Variants in EPB41L4B observed in about 807,000 individuals in gnomAD.
EPB41L4B encodes band 4.1-like protein 4B.
EPB41L4B carries 30 observed loss-of-function variants against 112.5 expected under a neutral mutation model. The ratio of observed to expected loss-of-function variants is 0.27; its 90% CI spans 0.20 to 0.36. The LOEUF (loss-of-function observed/expected upper bound fraction) is 0.36. Ranked by LOEUF, EPB41L4B falls within the 10% of genes least tolerant of loss-of-function variation. The pLI is 1.00. For missense variants in EPB41L4B, 1,024 were observed against 1,133.3 expected (o/e 0.90, Z 1.38); for synonymous variants, 408 against 439.7 (o/e 0.93, Z 0.90).
intron 15 of EPB41L4B, among the ~76,000 whole-genome samples, chr9:109,218,137 T>TC (rs1347854024): frequency 6.8e-6 from 1 of 146,228 alleles, no homozygotes; most frequent in African/African-American, 2.5e-5. Flanking sequence ...TTTTTTTTTT[T>TC]TTTTTTTTGG....
intron 1 of EPB41L4B, among the ~76,000 whole-genome samples, chr9:109,318,362 T>A (rs1008436218): frequency 6.6e-6 from 1 of 152,154 alleles, no homozygotes; most frequent in Non-Finnish European, 1.5e-5. Flanking sequence ...AGGGCTACAC[T>A]GGCTGGAATC....
intron 1 of EPB41L4B, among the ~76,000 whole-genome samples, chr9:109,319,070 C>A (rs1422478181): frequency 6.6e-6 from 1 of 152,242 alleles, no homozygotes; most frequent in African/African-American, 2.4e-5. Flanking sequence ...TGATCTGTAA[C>A]ATTCATCTAA....
chr9:109,265,904 G>A (rs1212848598), intron 4 of EPB41L4B, among the ~76,000 whole-genome samples: 1 of 152,174 alleles, frequency 6.6e-6, no homozygotes, highest in African/African-American at 2.4e-5. Flanking sequence ...AAAACCAATC[G>A]CTTTGATGAC....
chr9:109,294,543 G>C lies in EPB41L4B; in HGVS notation c.307-14622C>G, dbSNP rs190163385. Among the ~76,000 whole-genome samples the C allele has an allele frequency of 7.2e-3, 1,103 of 152,140 alleles. 3 individuals carry two copies. Among genetic ancestry groups the C allele is most frequent in the Non-Finnish European group, 0.012 (799 of 67,996 alleles). On this transcript the variant is annotated intron_variant, in intron 1 of 25. Transcript: ENST00000374566. ...GTAGGAGGAAGATTGAGGATTGCTT[G>C]AGACCAGGAGGTTGAAGTTGCAGTG...
chr9:109,293,429 C>CTGGA (rs2119188454), intron 1 of EPB41L4B, among the ~76,000 whole-genome samples: 1 of 149,656 alleles, frequency 6.7e-6, no homozygotes, highest in Admixed American at 6.7e-5. Context: ...GTTGCCAGGG[C>CTGGA]TGGAGTGCAA....
rs115759810 is a variant in EPB41L4B, at chr9:109,291,087, T to A, written c.307-11166A>T. ...GAAGGGTGCCTCAATGTCACAAAGG[T>A]TCTATGACCCCATTTCGCAGATGAG... On this transcript the variant is annotated intron_variant, in intron 1 of 25. Coordinates refer to ENST00000374566, the MANE Select transcript of EPB41L4B (RefSeq NM_019114.5). Among the ~76,000 whole-genome samples, 1,005 of 152,170 alleles carry A rather than the reference T, an allele frequency of 6.6e-3. 10 individuals are homozygous for A. Among genetic ancestry groups the A allele is most frequent in the African/African-American group, 0.023 (963 of 41,494 alleles).
At chr9:109,185,383 C>T (rs1473593168) in intron 23 of EPB41L4B, 106 bp downstream of exon 23, 14 of 926,090 alleles carry the variant, frequency 1.5e-5, no homozygotes, top group Middle Eastern at 3.1e-4. Flanking sequence ...GGGCTCTGCC[C>T]GAGATCTGGG....
At chr9:109,195,442 G>C (rs948582739) in intron 20 of EPB41L4B, among the ~76,000 whole-genome samples, 1 of 152,120 alleles carries the variant, frequency 6.6e-6, no homozygotes, top group African/African-American at 2.4e-5. Context: ...AAGGACTTAG[G>C]GCTCATTACT....
chr9:109,195,280 T>G (rs367684717), intron 20 of EPB41L4B, among the ~76,000 whole-genome samples: 4 of 152,116 alleles, frequency 2.6e-5, no homozygotes, highest in African/African-American at 9.7e-5. Flanking sequence ...TAGGCACCAG[T>G]GCAGCCTGTG....
intron 1 of EPB41L4B, among the ~76,000 whole-genome samples, chr9:109,316,410 G>GATTT: frequency 6.6e-6 from 1 of 152,270 alleles, no homozygotes; most frequent in Non-Finnish European, 1.5e-5. Flanking sequence ...CGATGCCAGG[G>GATTT]ATTTAGTCAA....
intron 1 of EPB41L4B, among the ~76,000 whole-genome samples, chr9:109,317,937 C>T (rs1395357863): frequency 6.6e-6 from 1 of 152,196 alleles, no homozygotes; most frequent in African/African-American, 2.4e-5. Flanking sequence ...GGCCGCCTGG[C>T]GTTAACCTCG....
At chr9:109,292,115 C>T (rs1836558077) in intron 1 of EPB41L4B, among the ~76,000 whole-genome samples, 1 of 152,232 alleles carries the variant, frequency 6.6e-6, no homozygotes, top group Non-Finnish European at 1.5e-5. Context: ...GAACGCCTAA[C>T]ATCTGCTAGG....
chr9:109,302,169 G>A (rs770196440), intron 1 of EPB41L4B, among the ~76,000 whole-genome samples: 14 of 152,220 alleles, frequency 9.2e-5, no homozygotes, highest in Non-Finnish European at 1.8e-4. Flanking sequence ...TACCCAAGTG[G>A]TAGTTACTCA....
intron 2 of EPB41L4B, among the ~76,000 whole-genome samples, chr9:109,270,680 A>G (rs1835577373): frequency 6.6e-6 from 1 of 152,172 alleles, no homozygotes; most frequent in Non-Finnish European, 1.5e-5. Flanking sequence ...CACTTAAAGG[A>G]GCTTGTTCCA....
In EPB41L4B at chr9:109,308,610, T is replaced by C. The variant is rs76572601; in HGVS notation, c.306+11531A>G. On this transcript the variant is annotated intron_variant, in intron 1 of 25. Transcript: ENST00000374566. Reference sequence around the variant, plus strand: ...AATTGTTCATTATTTTTAGAAGTCTTGATGAAGTCTTGTGATGTTGCCCAG... The same window carrying C: ...AATTGTTCATTATTTTTAGAAGTCTCGATGAAGTCTTGTGATGTTGCCCAG... Among the ~76,000 whole-genome samples, 131 of 152,310 alleles carry C rather than the reference T, an allele frequency of 8.6e-4. 2 individuals carry two copies. In the East Asian group the frequency reaches 0.022, roughly 26 times the overall value.
chr9:109,172,288 A>G lies in EPB41L4B; in HGVS notation c.*2266T>C, dbSNP rs1831658271. ...CTGGAGGTTTCCATCAGCGAGCAGGAGGTGAAGAGCAGAAGCCTCAGAAAG... is the reference window on the plus strand; with the variant it reads ...CTGGAGGTTTCCATCAGCGAGCAGGGGGTGAAGAGCAGAAGCCTCAGAAAG... On this transcript the variant is annotated 3_prime_UTR_variant, in exon 26 of 26. Coordinates refer to ENST00000374566, the MANE Select transcript of EPB41L4B (RefSeq NM_019114.5). 1.3e-5 allele frequency: 2 copies of G among 152,328 alleles called. No homozygotes were observed. The highest frequency in any genetic ancestry group is 4.1e-4 in the South Asian group (2 of 4,824). 9.4% of individuals were successfully genotyped at this position (152,328 alleles called of 1,614,324 possible).
chr9:109,224,039 A>T (rs993022843), intron 15 of EPB41L4B, among the ~76,000 whole-genome samples: 2 of 151,862 alleles, frequency 1.3e-5, no homozygotes, highest in Admixed American at 6.6e-5. Context: ...TAAAATAAAA[A>T]TAAAATAAAA....
In EPB41L4B at chr9:109,255,789, G is replaced by C. The variant is rs201972870; in HGVS notation, c.984C>G (p.Val328=). 1 of 1,613,660 alleles carries C rather than the reference G, an allele frequency of 6.2e-7. No individual in the cohort carries two copies. Among genetic ancestry groups the C allele is most frequent in the East Asian group, 2.2e-5 (1 of 44,898 alleles). Residue 328 remains valine, a synonymous_variant, in exon 10 of 26, where the codon GTC becomes GTG. Coordinates refer to ENST00000374566, the MANE Select transcript of EPB41L4B (RefSeq NM_019114.5). Reference sequence around the variant, plus strand: ...CCAGGCCTACCTGATCATCATCCTCGACCACCACGAGTGTCAATTTGCTCT... The same window carrying C: ...CCAGGCCTACCTGATCATCATCCTCCACCACCACGAGTGTCAATTTGCTCT... The part of the protein sequence containing the change: ...FKKSKLTLVV[V]EDDDQGREQE...
intron 4 of EPB41L4B, among the ~76,000 whole-genome samples, chr9:109,266,841 C>T (rs980249544): frequency 2.0e-5 from 3 of 151,734 alleles, no homozygotes. Context: ...TGATGGTGTG[C>T]GCCTGTAATC....
Sources: allele counts gnomAD v4.1 joint callset (sites outside exome capture counted in the v4.1 genomes callset), GRCh38; gene constraint gnomAD v4.1.1; transcripts MANE v1.5; gene names NCBI Gene and HGNC (gene_info 2026-07-23, HGNC 2026-07-21).